NT5DC4: variants seen among roughly 807,000 people sequenced by gnomAD.
NT5DC4 encodes 5'-nucleotidase domain containing 4.
In NT5DC4, 44 loss-of-function variants were observed where a neutral mutation model predicts 26.6. The ratio of observed to expected loss-of-function variants is 1.65; its 90% CI spans 1.30 to 2.13. The LOEUF (loss-of-function observed/expected upper bound fraction) is 2.13. Among genes scored for constraint, NT5DC4 ranks in the 30% most tolerant of loss-of-function variants. The pLI is 0.00. For synonymous variants in NT5DC4, 157 were observed against 86.7 expected, an observed-to-expected ratio of 1.81 and a Z score of -4.51; for missense variants, 399 against 228.1, an observed-to-expected ratio of 1.75 and a Z score of -4.83.
rs758051414 is a variant in NT5DC4 at position 112,723,429 on chromosome 2, G to T, written c.633G>T (p.Lys211Asn). The T allele has an allele frequency of 6.7e-5, 48 of 713,948 alleles. No homozygotes were observed. The South Asian group carries it at 7.0e-4, about 10-fold the overall frequency. 44.2% of individuals were successfully genotyped at this position (713,948 alleles called of 1,614,324 possible). ...MNNIHQSGCL[K>N]KTLEDLEKYV... is the part of the protein sequence containing the mutation. Reference sequence around the variant, plus strand: ...GCTCCCTCCTGCAGGGCTGTCTCAAGAAGACCCTGGAGGACTTGGAGAAAT... The same window carrying T: ...GCTCCCTCCTGCAGGGCTGTCTCAATAAGACCCTGGAGGACTTGGAGAAAT... The change falls in exon 8 of 17, where the codon AAG becomes AAT. Residue 211 changes from lysine to asparagine, a missense_variant. Physicochemically the swap from Lys to Asn is moderately conservative, Grantham distance 94. Coordinates refer to ENST00000688554, the MANE Select transcript of NT5DC4 (RefSeq NM_001393655.1).
chr2:112,725,610 C>CA, intron 13 of NT5DC4, 58 bp downstream of exon 13: 1 of 620,352 alleles, frequency 1.6e-6, no homozygotes, highest in Non-Finnish European at 3.0e-6. Flanking sequence ...GCAGAGGCCC[C>CA]AGCACTGCCT....
At chr2:112,724,583 C>T (rs1366923860) in intron 10 of NT5DC4, 198 bp from the exon 11 acceptor site, 4 of 597,904 alleles carry the variant, frequency 6.7e-6, no homozygotes, top group Non-Finnish European at 1.2e-5. Flanking sequence ...ACACCCACCT[C>T]CACAAGGTCC....
downstream of NT5DC4, chr2:112,742,572 AG>A: frequency 1.4e-6 from 1 of 715,604 alleles, no homozygotes; most frequent in South Asian, 1.5e-5. Context: ...AATGGCTGAA[AG>A]GGCCAGGTCA....
intron 6 of NT5DC4, 41 bp from the exon 7 acceptor site, chr2:112,723,040 C>T (rs1421849263): frequency 2.9e-6 from 2 of 685,212 alleles, no homozygotes; most frequent in Admixed American, 2.1e-5. Flanking sequence ...TCATTTCAGG[C>T]CCCCTTATTG....
At chr2:112,719,625 A>G (rs1445785323), upstream of NT5DC4, among the ~76,000 whole-genome samples, 3 of 150,926 alleles carry the variant, frequency 2.0e-5, no homozygotes, top group African/African-American at 7.3e-5. Flanking sequence ...AGCTGGGATT[A>G]CAGGCATGCG....
chr2:112,734,155 A>G (rs1678783147), intron 16 of NT5DC4, among the ~76,000 whole-genome samples: 1 of 137,036 alleles, frequency 7.3e-6, no homozygotes, highest in Non-Finnish European at 1.5e-5. Context: ...AGTGTTTTCT[A>G]TGCTATTATA....
intron 16 of NT5DC4, chr2:112,731,608 T>C (rs1044847176): frequency 6.6e-6 from 1 of 152,198 alleles, no homozygotes; most frequent in African/African-American, 2.4e-5. Flanking sequence ...GTCATACTCA[T>C]GATTTTAAAA....
chr2:112,721,694 G>A (rs2104698298), intron 1 of NT5DC4, 124 bp from the exon 2 acceptor site: 1 of 714,994 alleles, frequency 1.4e-6, no homozygotes, highest in South Asian at 1.5e-5. Flanking sequence ...TGCTTCCCCT[G>A]TGCTTTCTGC....
intron 16 of NT5DC4, among the ~76,000 whole-genome samples, chr2:112,736,248 A>G (rs1213159920): frequency 6.6e-6 from 1 of 152,124 alleles, no homozygotes; most frequent in African/African-American, 2.4e-5. Context: ...GTGATTTTGA[A>G]TATTTGATGC....
At chr2:112,740,991 A>G (rs766132076), downstream of NT5DC4, 25 of 1,610,774 alleles carry the variant, frequency 1.6e-5, no homozygotes, top group African/African-American at 1.9e-4. Flanking sequence ...CAGCAACTAA[A>G]GAGTCAGAAG....
At chr2:112,727,145 C>T (rs542254564) in intron 15 of NT5DC4, 14 of 205,758 alleles carry the variant, frequency 6.8e-5, no homozygotes, top group East Asian at 2.2e-4. Flanking sequence ...CATTACTGAC[C>T]GGCCACCAAA....
Position 112,721,349 on chromosome 2 carries a change from G to T in NT5DC4, c.74+196G>T, listed in dbSNP as rs1214885140. 5 of 655,434 alleles carry T rather than the reference G, an allele frequency of 7.6e-6. No homozygotes were observed. The Admixed American group carries it at 1.1e-4, about 14-fold the overall frequency. The allele number at this position is 655,434 out of a possible 1,614,324, so 40.6% of individuals were successfully genotyped here. The stretch of plus-strand genomic sequence containing the variant: ...GGAACTGACCACACACACTCCGGCG[G>T]GAGGTCCTCTTCACTTCCTTCCCTC... On this transcript the variant is annotated intron_variant, in intron 1 of 16. Transcript: ENST00000688554.
chr2:112,721,703 G>A (rs1176428301), intron 1 of NT5DC4, 115 bp from the exon 2 acceptor site: 14 of 714,840 alleles, frequency 2.0e-5, no homozygotes, highest in Admixed American at 1.8e-4. Context: ...TGTGCTTTCT[G>A]CAGCTGCAGG....
rs1381608488 is a variant in NT5DC4 at position 112,725,482 on chromosome 2, T to A, written c.1083T>A (p.Arg361=). The change falls in exon 13 of 17, where the codon CGT becomes CGA. Residue 361 remains arginine, a synonymous_variant. Transcript: ENST00000688554. The part of the protein sequence containing the change: ...IFGDILKSKK[R]QGWRTCLVVP... ...GGGACATTCTCAAGTCCAAGAAGCG[T>A]CAGGGCTGGCGGACTTGCCTGGTGG... is the stretch of plus-strand genomic sequence containing the variant. The A allele has an allele frequency of 4.2e-6, 3 of 717,064 alleles. 1 individual carries two copies. Among genetic ancestry groups the A allele is most frequent in the Non-Finnish European group, 7.8e-6 (3 of 384,978 alleles). The allele number at this position is 717,064 out of a possible 1,614,324, so 44.4% of individuals were successfully genotyped here.
chr2:112,719,675 G>A (rs1233638401), upstream of NT5DC4, among the ~76,000 whole-genome samples: 8 of 151,814 alleles, frequency 5.3e-5, no homozygotes, highest in African/African-American at 1.9e-4. Flanking sequence ...TAGTAGAGAT[G>A]GGGTTTCACC....
intron 14 of NT5DC4, 72 bp downstream of exon 14, chr2:112,726,361 G>A: frequency 1.4e-6 from 1 of 713,272 alleles, no homozygotes; most frequent in Non-Finnish European, 2.6e-6. Flanking sequence ...TCACATCCCT[G>A]CCTGGCGGCG....
chr2:112,720,791 G>T (rs991060600), upstream of NT5DC4, among the ~76,000 whole-genome samples: 1 of 152,172 alleles, frequency 6.6e-6, no homozygotes, highest in Non-Finnish European at 1.5e-5. Flanking sequence ...TCTCCAGGCC[G>T]CTGAGGTCCA....
upstream of NT5DC4, among the ~76,000 whole-genome samples, chr2:112,720,556 AC>A (rs1265187833): frequency 6.6e-6 from 1 of 151,402 alleles, no homozygotes; most frequent in Non-Finnish European, 1.5e-5. Flanking sequence ...ACTTTCTGCC[AC>A]CCCCCCATTC....
chr2:112,722,427 C>T lies in NT5DC4; in HGVS notation c.363-56C>T, dbSNP rs1338816493. On this transcript the variant is annotated intron_variant, in intron 4 of 16. Coordinates refer to ENST00000688554, the MANE Select transcript of NT5DC4 (RefSeq NM_001393655.1). The stretch of plus-strand genomic sequence containing the variant: ...ATGCGTGGTGGTTGGAAGGGATGGC[C>T]AGAGCCTGGACAGGCCTCCAGGAGG... 3 of 715,840 alleles carry T rather than the reference C, an allele frequency of 4.2e-6. No individual in the cohort carries two copies. In the African/African-American group the frequency reaches 5.2e-5, roughly 13 times the overall value. 44.3% of individuals were successfully genotyped at this position (715,840 alleles called of 1,614,324 possible).
Sources: allele counts gnomAD v4.1 joint callset (sites outside exome capture counted in the v4.1 genomes callset), GRCh38; gene constraint gnomAD v4.1.1; transcripts MANE v1.5; gene names NCBI Gene and HGNC (gene_info 2026-07-23, HGNC 2026-07-21).